Variants in INPP4B observed in about 807,000 individuals in gnomAD.
The protein encoded by INPP4B is inositol polyphosphate-4-phosphatase type II B, also known as inositol polyphosphate 4-phosphatase type II.
Under a neutral mutation model 122.5 loss-of-function variants are expected in INPP4B, and 55 were observed. The observed-to-expected ratio is 0.45, with a 90% confidence interval of 0.36 to 0.56. INPP4B has a LOEUF of 0.56. Among genes scored for constraint, INPP4B ranks in the 20% least tolerant of loss-of-function variants. The pLI is 0.00. For missense variants in INPP4B, 1,000 were observed against 1,097.7 expected, an observed-to-expected ratio of 0.91 and a Z score of 1.26; for synonymous variants, 403 against 388.7, an observed-to-expected ratio of 1.04 and a Z score of -0.43.
intron 25 of INPP4B, among the ~76,000 whole-genome samples, chr4:142,030,727 C>A (rs967623343): frequency 1.3e-5 from 2 of 152,092 alleles, no homozygotes; most frequent in Non-Finnish European, 2.9e-5. Flanking sequence ...TGAAGCAAAC[C>A]AATGTGTCTG....
At chr4:142,623,021 T>C (rs1446012815) in intron 2 of INPP4B, among the ~76,000 whole-genome samples, 2 of 151,966 alleles carry the variant, frequency 1.3e-5, no homozygotes, top group African/African-American at 4.8e-5. Flanking sequence ...GCCTCCTAAA[T>C]ATCCTCATAT....
chr4:142,557,234 A>G (rs562249417), intron 2 of INPP4B, among the ~76,000 whole-genome samples: 124 of 152,318 alleles, frequency 8.1e-4, no homozygotes, highest in African/African-American at 2.9e-3. Flanking sequence ...TAGAGAGGAG[A>G]ACATAAAGAA....
At chr4:142,113,410 A>T (rs1025180157) in intron 21 of INPP4B, among the ~76,000 whole-genome samples, 18 of 152,004 alleles carry the variant, frequency 1.2e-4, no homozygotes, top group African/African-American at 4.1e-4. Flanking sequence ...GGTTGGGAAA[A>T]TCCATGTGTT....
intron 7 of INPP4B, among the ~76,000 whole-genome samples, chr4:142,384,666 T>C (rs1269889420): frequency 6.6e-6 from 1 of 152,184 alleles, no homozygotes; most frequent in Non-Finnish European, 1.5e-5. Flanking sequence ...CTCTTGATTA[T>C]AATGCCCTTT....
chr4:142,594,963 A>G (rs1738372885), intron 2 of INPP4B, among the ~76,000 whole-genome samples: 2 of 151,186 alleles, frequency 1.3e-5, no homozygotes, highest in South Asian at 4.2e-4. Context: ...TCAAAAAAAA[A>G]AAAAAAAAAA....
At chr4:142,070,286 G>A (rs71539144) in intron 25 of INPP4B, among the ~76,000 whole-genome samples, 1 of 152,012 alleles carries the variant, frequency 6.6e-6, no homozygotes, top group African/African-American at 2.4e-5. Flanking sequence ...AAATTCGACA[G>A]CCTTTCATGA....
intron 2 of INPP4B, among the ~76,000 whole-genome samples, chr4:142,467,184 C>T (rs1248437677): frequency 1.3e-5 from 2 of 152,234 alleles, no homozygotes; most frequent in Non-Finnish European, 2.9e-5. Flanking sequence ...GGGTCACTGA[C>T]CTCCAGACCT....
rs961032152 is a variant in INPP4B at position 142,662,792 on chromosome 4, T to G, written c.-191+63047A>C. On this transcript the variant is annotated intron_variant, in intron 2 of 25. Coordinates refer to ENST00000262992, the MANE Select transcript of INPP4B (RefSeq NM_001101669.3). The stretch of plus-strand genomic sequence containing the variant: ...TTTGGTGTTTATTCATTGGAGCAGC[T>G]AAAGTAAACCTATAAATCCAAATCC... Among the ~76,000 whole-genome samples, 3 of 152,324 alleles carry G rather than the reference T, an allele frequency of 2.0e-5. No individual in the cohort carries two copies. In the South Asian group the frequency reaches 6.2e-4, roughly 32 times the overall value.
chr4:142,713,607 T>A (rs1763382207), intron 2 of INPP4B, among the ~76,000 whole-genome samples: 2 of 152,226 alleles, frequency 1.3e-5, no homozygotes, highest in Admixed American at 1.3e-4. Context: ...TATTACATTT[T>A]CTTGAACTAA....
chr4:142,666,025 G>T (rs1365345709), intron 2 of INPP4B, among the ~76,000 whole-genome samples: 1 of 152,078 alleles, frequency 6.6e-6, no homozygotes, highest in South Asian at 2.1e-4. Context: ...TGTCAATCTG[G>T]CCTATTTCTC....
At chr4:142,782,667 T>C (rs1326138743) in intron 1 of INPP4B, among the ~76,000 whole-genome samples, 1 of 152,094 alleles carries the variant, frequency 6.6e-6, no homozygotes, top group Non-Finnish European at 1.5e-5. Flanking sequence ...TTTTTAATGA[T>C]TGCCATTCTA....
chr4:142,642,625 A>G (rs1458676839), intron 2 of INPP4B, among the ~76,000 whole-genome samples: 1 of 152,136 alleles, frequency 6.6e-6, no homozygotes, highest in East Asian at 1.9e-4. Context: ...CCATTGGTCT[A>G]TATCTCTGTT....
intron 1 of INPP4B, among the ~76,000 whole-genome samples, chr4:142,745,591 A>C (rs910393738): frequency 2.0e-5 from 3 of 151,928 alleles, no homozygotes; most frequent in Non-Finnish European, 4.4e-5. Context: ...TAACCCTTGG[A>C]ATAAATACTC....
chr4:142,103,293 T>G (rs1049197127), intron 23 of INPP4B, among the ~76,000 whole-genome samples: 1 of 152,114 alleles, frequency 6.6e-6, no homozygotes, highest in African/African-American at 2.4e-5. Flanking sequence ...CTTCCTTTCC[T>G]TACACTTATG....
intron 2 of INPP4B, among the ~76,000 whole-genome samples, chr4:142,605,849 CA>C (rs1214199536): frequency 6.6e-6 from 1 of 151,326 alleles, no homozygotes; most frequent in Non-Finnish European, 1.5e-5. Context: ...GCAGATTTCT[CA>C]AAAAAACAAA....
intron 2 of INPP4B, among the ~76,000 whole-genome samples, chr4:142,660,618 A>T (rs1432924691): frequency 6.6e-6 from 1 of 151,998 alleles, no homozygotes; most frequent in African/African-American, 2.4e-5. Context: ...GAAGCCCAAC[A>T]TGCCACCAAA....
chr4:142,116,469 A>G (rs1285181297), intron 21 of INPP4B, among the ~76,000 whole-genome samples: 1 of 152,186 alleles, frequency 6.6e-6, no homozygotes. Context: ...TGTCTCTCAG[A>G]TCACAGTGCA....
chr4:142,646,939 T>C (rs962746584), intron 2 of INPP4B, among the ~76,000 whole-genome samples: 1 of 152,202 alleles, frequency 6.6e-6, no homozygotes, highest in Non-Finnish European at 1.5e-5. Context: ...AATTTTAACA[T>C]ACTAGGTGGC....
intron 2 of INPP4B, among the ~76,000 whole-genome samples, chr4:142,554,188 C>CAAA (rs758209943): frequency 0.053 from 5,119 of 96,952 alleles, 125 homozygotes; most frequent in Non-Finnish European, 0.06. Flanking sequence ...AACTCCATCT[C>CAAA]AAAAAAAAAA....
Sources: allele counts gnomAD v4.1 joint callset (sites outside exome capture counted in the v4.1 genomes callset), GRCh38; gene constraint gnomAD v4.1.1; transcripts MANE v1.5; gene names NCBI Gene and HGNC (gene_info 2026-07-23, HGNC 2026-07-21).